The following CTNND2 variants were observed in gnomAD, a reference collection of about 807,000 sequenced individuals.
CTNND2 encodes catenin delta-2.
Under a neutral mutation model 144.4 loss-of-function variants are expected in CTNND2, and 22 were observed. The ratio of observed to expected loss-of-function variants is 0.15; its 90% CI spans 0.11 to 0.22. The LOEUF is 0.22. Ranked by LOEUF, CTNND2 falls within the 10% of genes least tolerant of loss-of-function variation. The pLI, the probability that CTNND2 is intolerant of heterozygous loss-of-function variation, is 1.00. For synonymous variants in CTNND2, 751 were observed against 695.6 expected, an observed-to-expected ratio of 1.08 and a Z score of -1.25; for missense variants, 1,353 against 1,618.8, an observed-to-expected ratio of 0.84 and a Z score of 2.82.
At chr5:11,168,894 G>T (rs1759621048) in intron 11 of CTNND2, among the ~76,000 whole-genome samples, 2 of 152,020 alleles carry the variant, frequency 1.3e-5, no homozygotes, top group South Asian at 4.2e-4. Flanking sequence ...AAAAGTAAAT[G>T]CAGGAGGTGA....
intron 2 of CTNND2, among the ~76,000 whole-genome samples, chr5:11,569,552 G>A (rs532520352): frequency 1.3e-5 from 2 of 152,178 alleles, no homozygotes; most frequent in East Asian, 3.9e-4. Context: ...AGCATGTAAA[G>A]TCTCTTGGGG....
chr5:11,222,304 C>A (rs1229257081), intron 10 of CTNND2, among the ~76,000 whole-genome samples: 1 of 152,200 alleles, frequency 6.6e-6, no homozygotes, highest in African/African-American at 2.4e-5. Context: ...CTGAAAAATA[C>A]CTGCTGCATC....
chr5:11,690,604 C>G (rs537417445), intron 2 of CTNND2, among the ~76,000 whole-genome samples: 1 of 151,618 alleles, frequency 6.6e-6, no homozygotes, highest in Non-Finnish European at 1.5e-5. Flanking sequence ...GGCGCGGTGG[C>G]GGGCGCCTGT....
chr5:11,007,278 T>C (rs1445211740), intron 18 of CTNND2, among the ~76,000 whole-genome samples: 2 of 152,244 alleles, frequency 1.3e-5, no homozygotes, highest in Non-Finnish European at 2.9e-5. Flanking sequence ...TCGCATAGAC[T>C]GGCATAGAGA....
At chr5:11,824,004 G>A (rs1434183354) in intron 1 of CTNND2, among the ~76,000 whole-genome samples, 1 of 150,674 alleles carries the variant, frequency 6.6e-6, no homozygotes, top group Non-Finnish European at 1.5e-5. Flanking sequence ...AGCTACTCAG[G>A]AGGTAGGGGA....
intron 2 of CTNND2, among the ~76,000 whole-genome samples, chr5:11,641,561 C>CATACATATACGTGTGTATGTAT (rs1312084746): frequency 2.3e-5 from 3 of 132,920 alleles, no homozygotes; most frequent in East Asian, 2.0e-4. Flanking sequence ...GGGATATGTA[C>CATACATATACGTGTGTATGTAT]ATACATATAC....
chr5:11,559,177 T>C (rs747302064), intron 3 of CTNND2, among the ~76,000 whole-genome samples: 1 of 152,160 alleles, frequency 6.6e-6, no homozygotes, highest in African/African-American at 2.4e-5. Context: ...GTGGGTGGGA[T>C]TGTGGAAGAC....
At chr5:11,064,303 C>T (rs554608911) in intron 16 of CTNND2, among the ~76,000 whole-genome samples, 6 of 152,166 alleles carry the variant, frequency 3.9e-5, no homozygotes, top group Admixed American at 6.5e-5. Context: ...TCTCACACGC[C>T]TTGGAATTTA....
At chr5:11,316,222 G>A (rs1003353724) in intron 9 of CTNND2, among the ~76,000 whole-genome samples, 2 of 151,984 alleles carry the variant, frequency 1.3e-5, no homozygotes, top group Non-Finnish European at 2.9e-5. Flanking sequence ...TAAACACTTT[G>A]TTATTTATTT....
At position 11,774,572 on chromosome 5, in the gene CTNND2, AC is replaced by A. The variant is rs67776119; in HGVS notation, c.38-42301del. Among the ~76,000 whole-genome samples, 7 of 150,224 alleles carry A rather than the reference AC, an allele frequency of 4.7e-5. 2 individuals carry two copies. The highest frequency in any genetic ancestry group is 1.3e-4 in the Admixed American group (2 of 15,074). On this transcript the variant is annotated intron_variant, in intron 1 of 21. Transcript: ENST00000304623. Reference sequence around the variant, plus strand: ...TAATAAAAAAAAATTAAAAAAAAAAACAATGATGGCTTTAGTCTAAAATACT... The same window carrying A: ...TAATAAAAAAAAATTAAAAAAAAAAAAATGATGGCTTTAGTCTAAAATACT...
rs371262927 is a variant in CTNND2, at chr5:10,992,633, G to A, written c.3129C>T (p.Ile1043=). Residue 1043 remains isoleucine, a synonymous_variant, in exon 19 of 22, where the codon ATC becomes ATT. Coordinates refer to ENST00000304623, the MANE Select transcript of CTNND2 (RefSeq NM_001332.4). ...AGTAGGGCCTTTGCCGGTCCCTCTC[G>A]ATGGTTGAAGACGAGGCTACAAAGT... ...QYHFVASSST[I]ERDRQRPYSS... 8.2e-5 allele frequency: 133 copies of A among 1,614,170 alleles called. No homozygotes were observed. In the Middle Eastern group the frequency reaches 2.6e-3, roughly 32 times the overall value.
chr5:11,374,157 G>C (rs1334976019), intron 7 of CTNND2, among the ~76,000 whole-genome samples: 1 of 152,148 alleles, frequency 6.6e-6, no homozygotes, highest in Non-Finnish European at 1.5e-5. Context: ...AGACAGTCCT[G>C]ACTGAAGCTA....
chr5:11,173,706 T>C (rs1760177775), intron 11 of CTNND2, among the ~76,000 whole-genome samples: 1 of 152,198 alleles, frequency 6.6e-6, no homozygotes, highest in Non-Finnish European at 1.5e-5. Context: ...AATTCCCAAT[T>C]GGAGCTATAA....
At chr5:11,082,939 A>G (rs1038345875) in intron 15 of CTNND2, 93 bp from the exon 16 acceptor site, 2 of 1,435,112 alleles carry the variant, frequency 1.4e-6, no homozygotes, top group Non-Finnish European at 1.9e-6. Flanking sequence ...TGCTTACAGG[A>G]GCCAAAAAGG....
rs540576231 is a variant in CTNND2, at chr5:11,829,254, C to T, written c.37+74563G>A. Among the ~76,000 whole-genome samples, 3 of 152,256 alleles carry T rather than the reference C, an allele frequency of 2.0e-5. 1 individual carries two copies. The South Asian group carries it at 6.2e-4, about 32-fold the overall frequency. On this transcript the variant is annotated intron_variant, in intron 1 of 21. Coordinates refer to ENST00000304623, the MANE Select transcript of CTNND2 (RefSeq NM_001332.4). The stretch of plus-strand genomic sequence containing the variant: ...TCTGAAAAGAAATCCAAGCTTCTGG[C>T]AGAAATTTATATAAGTAATGAACAG...
At chr5:11,671,294 C>G (rs1783862954) in intron 2 of CTNND2, among the ~76,000 whole-genome samples, 1 of 152,042 alleles carries the variant, frequency 6.6e-6, no homozygotes, top group African/African-American at 2.4e-5. Flanking sequence ...GTGGTGTTCT[C>G]TGTATTTCCT....
intron 9 of CTNND2, among the ~76,000 whole-genome samples, chr5:11,273,752 C>A (rs1186686025): frequency 1.3e-5 from 2 of 152,112 alleles, no homozygotes; most frequent in East Asian, 3.9e-4. Context: ...ATGTTTATTG[C>A]ACTTGGGAAA....
At chr5:11,736,169 TCTA>T (rs1475913344) in intron 1 of CTNND2, among the ~76,000 whole-genome samples, 3 of 152,082 alleles carry the variant, frequency 2.0e-5, no homozygotes, top group African/African-American at 7.3e-5. Flanking sequence ...CTAATGCTAC[TCTA>T]CTAACTAATT....
At chr5:11,606,137 G>A (rs1281570749) in intron 2 of CTNND2, among the ~76,000 whole-genome samples, 7 of 152,244 alleles carry the variant, frequency 4.6e-5, no homozygotes, top group South Asian at 2.1e-4. Flanking sequence ...AGTGGACTCC[G>A]GAAGTCAAGA....
Sources: gnomAD v4.1 joint callset for allele counts (sites outside exome capture counted in the v4.1 genomes callset) on GRCh38, gnomAD v4.1.1 for gene constraint, MANE v1.5 for transcripts, NCBI Gene and HGNC (gene_info 2026-07-23, HGNC 2026-07-21) for gene names.